Variants in LRMDA observed in about 807,000 individuals in gnomAD.
LRMDA encodes the protein leucine rich melanocyte differentiation associated.
Under a neutral mutation model 29.8 loss-of-function variants are expected in LRMDA, and 18 were observed. The ratio of observed to expected loss-of-function variants is 0.60; its 90% CI spans 0.42 to 0.90. The LOEUF is 0.90. Ranked by LOEUF, LRMDA falls within the 40% of genes least tolerant of loss-of-function variation. LRMDA has a pLI of 0.00. For missense variants in LRMDA, 273 were observed against 273.9 expected (o/e 1.00, Z 0.02); for synonymous variants, 125 against 109.4 (o/e 1.14, Z -0.89).
chr10:76,195,037 T>G (rs538123945), intron 5 of LRMDA, among the ~76,000 whole-genome samples: 13 of 152,342 alleles, frequency 8.5e-5, no homozygotes, highest in African/African-American at 2.9e-4. Context: ...GAGATTCATT[T>G]TTACAGGCCT....
chr10:75,927,388 A>G (rs1168182352), intron 2 of LRMDA, among the ~76,000 whole-genome samples: 3 of 152,136 alleles, frequency 2.0e-5, no homozygotes, highest in Admixed American at 1.3e-4. Flanking sequence ...TGTTCGTTCC[A>G]TCATGTTCAA....
intron 2 of LRMDA, among the ~76,000 whole-genome samples, chr10:76,030,724 G>A (rs925454381): frequency 3.9e-5 from 6 of 152,232 alleles, no homozygotes; most frequent in Admixed American, 2.6e-4. Flanking sequence ...GGGAGGCGGA[G>A]GTTGCAGTGA....
intron 5 of LRMDA, among the ~76,000 whole-genome samples, chr10:76,180,924 T>G (rs1851037053): frequency 1.3e-5 from 2 of 152,148 alleles, no homozygotes; most frequent in South Asian, 4.1e-4. Flanking sequence ...TGACAGGCAG[T>G]ATATCAGGAC....
intron 2 of LRMDA, among the ~76,000 whole-genome samples, chr10:75,617,211 G>A (rs1398056502): frequency 1.3e-5 from 2 of 152,222 alleles, no homozygotes; most frequent in Non-Finnish European, 2.9e-5. Context: ...ATCTTGGACA[G>A]TTCTGGATGG....
intron 5 of LRMDA, among the ~76,000 whole-genome samples, chr10:76,230,999 A>G (rs973387644): frequency 6.6e-6 from 1 of 152,208 alleles, no homozygotes; most frequent in Non-Finnish European, 1.5e-5. Flanking sequence ...ATTATCATAA[A>G]CTATTAGCTT....
At chr10:76,444,298 C>T (rs552249310) in intron 6 of LRMDA, among the ~76,000 whole-genome samples, 3 of 152,212 alleles carry the variant, frequency 2.0e-5, no homozygotes, top group East Asian at 3.9e-4. Context: ...CTCAGCCCAG[C>T]AAAGGAGTAC....
chr10:76,108,402 G>A (rs550461893), intron 5 of LRMDA, among the ~76,000 whole-genome samples: 4 of 152,224 alleles, frequency 2.6e-5, no homozygotes, highest in South Asian at 4.1e-4. Context: ...ATAACCATCA[G>A]TCTTCCAATT....
At chr10:75,816,828 T>A (rs1479255711) in intron 2 of LRMDA, among the ~76,000 whole-genome samples, 1 of 152,188 alleles carries the variant, frequency 6.6e-6, no homozygotes, top group Non-Finnish European at 1.5e-5. Flanking sequence ...CTTCAACTTT[T>A]GGAGGTTATG....
Position 75,683,721 on chromosome 10 carries a change from T to A in LRMDA, c.131+245227T>A, listed in dbSNP as rs1220082764. 4.6e-5 allele frequency among the ~76,000 whole-genome samples: 7 copies of A among 152,222 alleles called. No homozygotes were observed. In the East Asian group the frequency reaches 1.3e-3, roughly 29 times the overall value. On this transcript the variant is annotated intron_variant, in intron 2 of 6. Coordinates refer to ENST00000611255, the MANE Select transcript of LRMDA (RefSeq NM_001305581.2). ...GGAGTTTATTATCATGGTGGACTTG[T>A]GCATGTGGAGGAGATCTGCTCTGGA...
At chr10:76,306,091 C>T (rs1217420088) in intron 5 of LRMDA, among the ~76,000 whole-genome samples, 2 of 152,210 alleles carry the variant, frequency 1.3e-5, no homozygotes, top group Non-Finnish European at 1.5e-5. Flanking sequence ...GAAAGGTACA[C>T]AGGCTGAGGA....
chr10:75,472,225 C>T (rs1221543925), intron 2 of LRMDA, among the ~76,000 whole-genome samples: 1 of 152,182 alleles, frequency 6.6e-6, no homozygotes, highest in Non-Finnish European at 1.5e-5. Flanking sequence ...CCCTGAAACT[C>T]CACCCTTTTC....
chr10:76,077,518 G>C (rs1848979038), intron 5 of LRMDA, among the ~76,000 whole-genome samples: 1 of 152,074 alleles, frequency 6.6e-6, no homozygotes, highest in Non-Finnish European at 1.5e-5. Flanking sequence ...AATGAACTGA[G>C]ACAGATCACT....
intron 5 of LRMDA, 71 bp downstream of exon 5, chr10:76,058,854 C>A: frequency 8.6e-7 from 1 of 1,167,222 alleles, no homozygotes; most frequent in Non-Finnish European, 1.3e-6. Context: ...CCAGGGCATG[C>A]AGAATGTCCT....
chr10:75,850,274 T>A (rs1229708196), intron 2 of LRMDA, among the ~76,000 whole-genome samples: 2 of 152,224 alleles, frequency 1.3e-5, no homozygotes, highest in South Asian at 4.1e-4. Flanking sequence ...GTAACCATTT[T>A]TTCATTTTAT....
intron 2 of LRMDA, among the ~76,000 whole-genome samples, chr10:75,722,014 G>A (rs1842573675): frequency 6.6e-6 from 1 of 152,092 alleles, no homozygotes; most frequent in South Asian, 2.1e-4. Context: ...TGCCTACTAA[G>A]GTGAGGTGAC....
At chr10:75,712,878 C>T (rs937536054) in intron 2 of LRMDA, among the ~76,000 whole-genome samples, 1 of 151,632 alleles carries the variant, frequency 6.6e-6, no homozygotes, top group African/African-American at 2.4e-5. Context: ...AATAAGTTCA[C>T]ACAGGGTTTC....
Position 76,110,918 on chromosome 10 carries a change from C to CT in LRMDA, c.516+52136dup, listed in dbSNP as rs571742260. Among the ~76,000 whole-genome samples, 28 of 152,314 alleles carry CT rather than the reference C, an allele frequency of 1.8e-4. No homozygotes were observed. In the South Asian group the frequency reaches 1.9e-3, roughly 10 times the overall value. ...ACCATGCTTCACCTCATCCCACTGCCTACAGCCCAGCTCCATCTTATACCA... is the reference window on the plus strand; with the variant it reads ...ACCATGCTTCACCTCATCCCACTGCCTTACAGCCCAGCTCCATCTTATACCA... On this transcript the variant is annotated intron_variant, in intron 5 of 6. Transcript: ENST00000611255.
At chr10:75,566,926 C>T (rs954101357) in intron 2 of LRMDA, among the ~76,000 whole-genome samples, 1 of 152,198 alleles carries the variant, frequency 6.6e-6, no homozygotes, top group African/African-American at 2.4e-5. Context: ...AATGACATCC[C>T]ATGGGGGGCC....
chr10:76,324,440 T>G lies in LRMDA; in HGVS notation c.556T>G (p.Tyr186Asp). ...CGTTGCCAGCTCCCCGGAGCGCCAC[T>G]ACACGCCCTTGCCTTCTGCTTCCAG... Reference protein sequence around the residue: ...EDVASSPERHYTPLPSASREL... With the variant: ...EDVASSPERHDTPLPSASREL... Residue 186 changes from tyrosine to aspartate, a missense_variant, in exon 6 of 7, where the codon TAC becomes GAC. Physicochemically the swap from Tyr to Asp is radical, Grantham distance 160 (BLOSUM62 -3). Transcript: ENST00000611255. The G allele has an allele frequency of 6.2e-7, 1 of 1,614,148 alleles. No individual in the cohort carries two copies. Among genetic ancestry groups the G allele is most frequent in the Non-Finnish European group, 8.5e-7 (1 of 1,180,030 alleles).
Sources: gnomAD v4.1 joint callset for allele counts (sites outside exome capture counted in the v4.1 genomes callset) on GRCh38, gnomAD v4.1.1 for gene constraint, MANE v1.5 for transcripts, NCBI Gene and HGNC (gene_info 2026-07-23, HGNC 2026-07-21) for gene names.